The following DOCK4 variants were observed in gnomAD, a reference collection of about 807,000 sequenced individuals.
The protein encoded by DOCK4 is dedicator of cytokinesis protein 4.
In DOCK4, 97 loss-of-function variants were observed where a neutral mutation model predicts 268.1. The ratio of observed to expected loss-of-function variants is 0.36; its 90% CI spans 0.31 to 0.43. The LOEUF is 0.43. DOCK4 is among the 20% of genes least tolerant of loss of function. The pLI, the probability that DOCK4 is intolerant of heterozygous loss-of-function variation, is 1.00. For missense variants in DOCK4, 2,145 were observed against 2,455.7 expected (o/e 0.87, Z 2.67); for synonymous variants, 954 against 887.2 (o/e 1.08, Z -1.34).
chr7:112,028,170 G>C (rs1802970842), intron 1 of DOCK4, among the ~76,000 whole-genome samples: 1 of 152,192 alleles, frequency 6.6e-6, no homozygotes, highest in South Asian at 2.1e-4. Context: ...GTCCCAGAGG[G>C]ATGAGAAGGC....
chr7:111,846,725 A>G (rs1379508661), intron 24 of DOCK4, among the ~76,000 whole-genome samples: 1 of 152,184 alleles, frequency 6.6e-6, no homozygotes, highest in African/African-American at 2.4e-5. Context: ...GATTAAAGAC[A>G]CACGTGGGAG....
At chr7:111,804,142 C>T (rs1256962933) in intron 30 of DOCK4, among the ~76,000 whole-genome samples, 2 of 152,146 alleles carry the variant, frequency 1.3e-5, no homozygotes, top group Admixed American at 6.5e-5. Flanking sequence ...TATATGCCCA[C>T]GTTCAGAGCA....
At chr7:111,863,997 C>G (rs1388442463) in intron 22 of DOCK4, among the ~76,000 whole-genome samples, 1 of 152,144 alleles carries the variant, frequency 6.6e-6, no homozygotes, top group Non-Finnish European at 1.5e-5. Context: ...CCAAAGCACT[C>G]CATTTCTGAT....
chr7:111,904,139 C>T (rs917768911), intron 13 of DOCK4, among the ~76,000 whole-genome samples: 11 of 152,160 alleles, frequency 7.2e-5, no homozygotes, highest in African/African-American at 2.2e-4. Context: ...TCCCTCTGTC[C>T]GTAGGCTAGG....
In DOCK4 at chr7:111,822,461, G is replaced by T; in HGVS notation, c.2836-5C>A. 6.2e-7 allele frequency: 1 copy of T among 1,608,146 alleles called. No homozygotes were observed. Among genetic ancestry groups the T allele is most frequent in the South Asian group, 1.1e-5 (1 of 89,880 alleles). On this transcript the variant is annotated splice_region_variant and splice_polypyrimidine_tract_variant and intron_variant, in intron 26 of 52. Coordinates refer to ENST00000428084, the MANE Select transcript of DOCK4 (RefSeq NM_001363540.2). ...AAATATCTGCAGCAGGAAATCCTTG[G>T]ATAAGGAGAAAATAGATCATTTTAT...
intron 1 of DOCK4, among the ~76,000 whole-genome samples, chr7:112,022,398 G>A (rs571315857): frequency 6.6e-6 from 1 of 152,264 alleles, no homozygotes; most frequent in South Asian, 2.1e-4. Context: ...TACAGGAGAG[G>A]GTTCCGCCCC....
chr7:112,090,002 A>C (rs1231899159), intron 1 of DOCK4, among the ~76,000 whole-genome samples: 1 of 152,220 alleles, frequency 6.6e-6, no homozygotes, highest in African/African-American at 2.4e-5. Flanking sequence ...GAGATTTCCA[A>C]ATCAAGGTTT....
intron 1 of DOCK4, among the ~76,000 whole-genome samples, chr7:112,191,436 C>G (rs1411344651): frequency 6.6e-6 from 1 of 152,010 alleles, no homozygotes; most frequent in African/African-American, 2.4e-5. Flanking sequence ...CCTCTGTCAC[C>G]ACTGTGCCCC....
At chr7:111,835,255 A>G (rs1284558685) in intron 25 of DOCK4, among the ~76,000 whole-genome samples, 2 of 152,156 alleles carry the variant, frequency 1.3e-5, no homozygotes, top group African/African-American at 2.4e-5. Flanking sequence ...CCTCCAACTC[A>G]TCAGAGAGTT....
At chr7:112,121,527 C>T (rs915153856) in intron 1 of DOCK4, among the ~76,000 whole-genome samples, 1 of 152,200 alleles carries the variant, frequency 6.6e-6, no homozygotes, top group Non-Finnish European at 1.5e-5. Flanking sequence ...GCATTAGGTT[C>T]AATTTTCTTT....
chr7:112,163,815 T>C (rs969039083), intron 1 of DOCK4, among the ~76,000 whole-genome samples: 1 of 152,184 alleles, frequency 6.6e-6, no homozygotes, highest in Non-Finnish European at 1.5e-5. Context: ...CTCTCAACCT[T>C]TATGCCATGG....
intron 1 of DOCK4, among the ~76,000 whole-genome samples, chr7:112,195,579 A>C (rs1054067047): frequency 9.2e-5 from 14 of 151,920 alleles, no homozygotes; most frequent in African/African-American, 3.4e-4. Flanking sequence ...CAAAGTGAAT[A>C]ATGTTTCATC....
At chr7:112,174,165 C>A (rs574974310) in intron 1 of DOCK4, among the ~76,000 whole-genome samples, 4 of 152,110 alleles carry the variant, frequency 2.6e-5, no homozygotes, top group Non-Finnish European at 4.4e-5. Context: ...ACTCTTTGGT[C>A]GGCTGTGAGA....
chr7:112,106,402 A>G lies in DOCK4; in HGVS notation c.37+99700T>C, dbSNP rs533992722. ...AACCAGACCTTTCTGAACAATGCAT[A>G]TACACACAGAGGTGGGGTGCTAAGG... On this transcript the variant is annotated intron_variant, in intron 1 of 52. Coordinates refer to ENST00000428084, the MANE Select transcript of DOCK4 (RefSeq NM_001363540.2). 2.6e-5 allele frequency among the ~76,000 whole-genome samples: 4 copies of G among 152,344 alleles called. No homozygotes were observed. In the South Asian group the frequency reaches 6.2e-4, roughly 24 times the overall value.
At chr7:111,866,511 T>C (rs1380855737) in intron 22 of DOCK4, among the ~76,000 whole-genome samples, 1 of 152,212 alleles carries the variant, frequency 6.6e-6, no homozygotes, top group East Asian at 1.9e-4. Flanking sequence ...TCTTTGAAGG[T>C]GCTAAAGTTG....
chr7:111,755,430 C>G, intron 42 of DOCK4, 85 bp downstream of exon 42: 1 of 1,311,566 alleles, frequency 7.6e-7, no homozygotes, highest in Non-Finnish European at 1.1e-6. Context: ...GAATCTGGGT[C>G]GAAGGAGAAG....
intron 6 of DOCK4, among the ~76,000 whole-genome samples, chr7:111,985,628 T>A: frequency 6.6e-6 from 1 of 152,200 alleles, no homozygotes; most frequent in Non-Finnish European, 1.5e-5. Flanking sequence ...AGCTGTCACC[T>A]CCTTGACAGT....
chr7:112,184,507 C>CT (rs1464034649), intron 1 of DOCK4, among the ~76,000 whole-genome samples: 1 of 152,154 alleles, frequency 6.6e-6, no homozygotes, highest in Non-Finnish European at 1.5e-5. Context: ...TATTCTGCAA[C>CT]TTGTCATTCA....
chr7:112,056,542 G>C (rs1041037128), intron 1 of DOCK4, among the ~76,000 whole-genome samples: 4 of 152,114 alleles, frequency 2.6e-5, no homozygotes, highest in Non-Finnish European at 5.9e-5. Flanking sequence ...AAAGAAGAGG[G>C]GAATTCCTCC....
Sources: allele counts gnomAD v4.1 joint callset (sites outside exome capture counted in the v4.1 genomes callset), GRCh38; gene constraint gnomAD v4.1.1; transcripts MANE v1.5; gene names NCBI Gene and HGNC (gene_info 2026-07-23, HGNC 2026-07-21).